Variants in CLIP1 observed in about 807,000 individuals in gnomAD.
CLIP1 encodes the protein CAP-Gly domain-containing linker protein 1.
CLIP1 carries 66 observed loss-of-function variants against 161.6 expected under a neutral mutation model. That is an observed-to-expected ratio of 0.41 (90% confidence interval 0.33 to 0.50). CLIP1 has a LOEUF of 0.50. CLIP1 is among the 20% of genes least tolerant of loss of function. CLIP1 has a pLI of 0.27. For missense variants in CLIP1, 1,376 were observed against 1,702.0 expected (o/e 0.81, Z 3.37); for synonymous variants, 598 against 626.2 (o/e 0.96, Z 0.67).
intron 17 of CLIP1, among the ~76,000 whole-genome samples, chr12:122,326,938 C>T (rs919516236): frequency 8.5e-5 from 13 of 152,226 alleles, no homozygotes; most frequent in Non-Finnish European, 1.6e-4. Context: ...ATGACATGCA[C>T]GGCACACACA....
chr12:122,385,885 G>A (rs938523225), intron 1 of CLIP1, among the ~76,000 whole-genome samples: 3 of 152,208 alleles, frequency 2.0e-5, no homozygotes, highest in African/African-American at 4.8e-5. Context: ...AGCATAACAA[G>A]GAGGGAAAGA....
chr12:122,386,235 G>A (rs1296252109), intron 1 of CLIP1, among the ~76,000 whole-genome samples: 2 of 151,262 alleles, frequency 1.3e-5, no homozygotes, highest in African/African-American at 4.9e-5. Context: ...GCAGTGAGCC[G>A]AGATCACACC....
chr12:122,388,886 G>C (rs1393107449), intron 1 of CLIP1, among the ~76,000 whole-genome samples: 1 of 152,082 alleles, frequency 6.6e-6, no homozygotes, highest in African/African-American at 2.4e-5. Context: ...AGATGCTAAA[G>C]TTTGAGAACC....
intron 20 of CLIP1, among the ~76,000 whole-genome samples, chr12:122,292,510 C>T (rs755020188): frequency 2.0e-5 from 3 of 152,140 alleles, no homozygotes; most frequent in Admixed American, 6.6e-5. Flanking sequence ...ATATTCCAAG[C>T]TCACCTTATA....
intron 20 of CLIP1, among the ~76,000 whole-genome samples, chr12:122,305,940 C>T (rs1193458932): frequency 4.6e-5 from 7 of 151,360 alleles, no homozygotes; most frequent in Non-Finnish European, 7.4e-5. Context: ...TGGTGGCACG[C>T]GCCTGTAGTC....
At chr12:122,345,398 T>G (rs1009632532) in intron 10 of CLIP1, among the ~76,000 whole-genome samples, 8 of 152,016 alleles carry the variant, frequency 5.3e-5, no homozygotes, top group African/African-American at 1.9e-4. Context: ...TGGACTCAGG[T>G]GATCCTCCTG....
chr12:122,379,085 A>G (rs965338096), intron 2 of CLIP1, among the ~76,000 whole-genome samples: 1 of 151,942 alleles, frequency 6.6e-6, no homozygotes, highest in Non-Finnish European at 1.5e-5. Context: ...AAATCATGTC[A>G]CTGCACTCTT....
chr12:122,293,633 C>G (rs891458198), intron 20 of CLIP1, among the ~76,000 whole-genome samples: 14 of 151,464 alleles, frequency 9.2e-5, no homozygotes, highest in African/African-American at 3.4e-4. Context: ...CATGTGCCAC[C>G]ACGCTCGGCT....
At chr12:122,319,096 C>T (rs75810210) in intron 18 of CLIP1, 136 bp downstream of exon 18, 39,732 of 630,060 alleles carry the variant, frequency 0.063, 1,722 homozygotes, top group Non-Finnish European at 0.085. Context: ...TTAAGATTAT[C>T]GTGGCTCTGG....
chr12:122,372,477 C>A (rs1330369271), intron 3 of CLIP1, among the ~76,000 whole-genome samples: 1 of 150,724 alleles, frequency 6.6e-6, no homozygotes, highest in Non-Finnish European at 1.5e-5. Flanking sequence ...AGCTACGCTA[C>A]TTGGGAAGCT....
rs1433190031 is a variant in CLIP1 at position 122,319,424 on chromosome 12, T to C, written c.3250-76A>G. 5.6e-6 allele frequency: 6 copies of C among 1,072,184 alleles called. No homozygotes were observed. The East Asian group carries it at 1.2e-4, about 21-fold the overall frequency. The allele number at this position is 1,072,184 out of a possible 1,614,324, so 66.4% of individuals were successfully genotyped here. A position where few individuals can be genotyped will look rare whatever the true frequency, so the allele number is the denominator to read the frequency against. Reference sequence around the variant, plus strand: ...GTTAGGTGAGGATCGGGCTGTGCTGTTCAGGCAGCACTCAGTGTCTGTGTG... The same window carrying C: ...GTTAGGTGAGGATCGGGCTGTGCTGCTCAGGCAGCACTCAGTGTCTGTGTG... On this transcript the variant is annotated intron_variant, in intron 17 of 25. Transcript: ENST00000620786.
At chr12:122,335,731 T>C (rs1342230080) in intron 12 of CLIP1, among the ~76,000 whole-genome samples, 1 of 150,802 alleles carries the variant, frequency 6.6e-6, no homozygotes, top group Non-Finnish European at 1.5e-5. Flanking sequence ...TTCTTGAACC[T>C]GGGAGGCAGA....
rs35483741 is a variant in CLIP1, at chr12:122,278,216, G to GAAA, written c.3917-16_3917-14dup. The GAAA allele has an allele frequency of 0.037, 49,863 of 1,345,622 alleles. 56 individuals are homozygous for GAAA. The highest frequency in any genetic ancestry group is 0.079 in the East Asian group (3,184 of 40,232). The allele number at this position is 1,345,622 out of a possible 1,614,324, so 83.4% of individuals were successfully genotyped here. ...GTGTCTGTATTACCTTATATTTGAGGAAAAAAAAAAAAAAACAAGTGGAGG... is the reference window on the plus strand; with the variant it reads ...GTGTCTGTATTACCTTATATTTGAGGAAAAAAAAAAAAAAAAAACAAGTGGAGG... On this transcript the variant is annotated splice_polypyrimidine_tract_variant and intron_variant, in intron 23 of 25. Coordinates refer to ENST00000620786, the MANE Select transcript of CLIP1 (RefSeq NM_001247997.2).
chr12:122,402,593 T>A (rs1020413498), intron 1 of CLIP1, among the ~76,000 whole-genome samples: 1 of 152,186 alleles, frequency 6.6e-6, no homozygotes, highest in Non-Finnish European at 1.5e-5. Flanking sequence ...CTGGCCAACA[T>A]GGTGAAACCC....
intron 19 of CLIP1, among the ~76,000 whole-genome samples, chr12:122,315,883 C>T (rs2136582538): frequency 6.6e-6 from 1 of 152,080 alleles, no homozygotes; most frequent in African/African-American, 2.4e-5. Flanking sequence ...CTTCGTGCTC[C>T]ACCCACCTCA....
At chr12:122,350,412 G>A (rs775971190) in intron 9 of CLIP1, among the ~76,000 whole-genome samples, 3 of 152,074 alleles carry the variant, frequency 2.0e-5, no homozygotes, top group Non-Finnish European at 4.4e-5. Flanking sequence ...TGAACTTGGA[G>A]GAAGAAAAAT....
intron 21 of CLIP1, among the ~76,000 whole-genome samples, chr12:122,284,871 C>T (rs1020296990): frequency 2.0e-5 from 3 of 152,124 alleles, no homozygotes; most frequent in African/African-American, 7.2e-5. Flanking sequence ...TAGCCTACAC[C>T]TGTCTTTTAT....
intron 3 of CLIP1, among the ~76,000 whole-genome samples, chr12:122,375,010 C>T (rs1219321348): frequency 1.3e-5 from 2 of 152,134 alleles, no homozygotes; most frequent in Non-Finnish European, 2.9e-5. Context: ...AACCTGACAT[C>T]ACATCCTAGA....
intron 1 of CLIP1, among the ~76,000 whole-genome samples, chr12:122,385,250 T>C (rs1343829208): frequency 2.0e-5 from 3 of 151,564 alleles, no homozygotes; most frequent in Non-Finnish European, 4.4e-5. Flanking sequence ...TTTTAAAGGG[T>C]GTTTGAAAAG....
Sources: allele counts gnomAD v4.1 joint callset (sites outside exome capture counted in the v4.1 genomes callset), GRCh38; gene constraint gnomAD v4.1.1; transcripts MANE v1.5; gene names NCBI Gene and HGNC (gene_info 2026-07-23, HGNC 2026-07-21).